The following DGKI variants were observed in gnomAD, a reference collection of about 807,000 sequenced individuals.
The protein encoded by DGKI is DAG kinase iota.
In DGKI, 55 loss-of-function variants were observed where a neutral mutation model predicts 147.5. The observed-to-expected ratio is 0.37, with a 90% confidence interval of 0.30 to 0.47. The LOEUF is 0.47. DGKI is among the 20% of genes least tolerant of loss of function. DGKI has a pLI of 1.00. For missense variants in DGKI, 1,007 were observed against 1,323.8 expected (o/e 0.76, Z 3.71); for synonymous variants, 469 against 477.1 (o/e 0.98, Z 0.22).
At chr7:137,603,255 G>A (rs1440600042) in intron 10 of DGKI, among the ~76,000 whole-genome samples, 2 of 152,172 alleles carry the variant, frequency 1.3e-5, no homozygotes, top group Non-Finnish European at 2.9e-5. Flanking sequence ...AAGCAATCAA[G>A]AACGGGTCGG....
chr7:137,484,163 A>G (rs1815470513), intron 23 of DGKI, among the ~76,000 whole-genome samples: 1 of 152,036 alleles, frequency 6.6e-6, no homozygotes, highest in African/African-American at 2.4e-5. Context: ...TACACAAATA[A>G]GAACACAAAG....
At chr7:137,422,679 A>ACTG (rs1345121664) in intron 28 of DGKI, among the ~76,000 whole-genome samples, 2 of 125,530 alleles carry the variant, frequency 1.6e-5, no homozygotes, top group Non-Finnish European at 3.1e-5. Context: ...ATCTCAGCTC[A>ACTG]CTGCAAGCTC....
intron 10 of DGKI, among the ~76,000 whole-genome samples, chr7:137,605,129 G>A (rs1212074067): frequency 6.6e-6 from 1 of 151,870 alleles, no homozygotes; most frequent in Non-Finnish European, 1.5e-5. Context: ...CCAACATAGT[G>A]AAACCCCGTC....
rs116154836 is a variant in DGKI at position 137,629,014 on chromosome 7, A to G, written c.805-5460T>C. Among the ~76,000 whole-genome samples the G allele has an allele frequency of 2.4e-3, 368 of 152,348 alleles. 1 individual carries two copies. Among genetic ancestry groups the G allele is most frequent in the African/African-American group, 8.1e-3 (335 of 41,590 alleles). ...TCCCTATTTGATCTGATTTGATCCA[A>G]CACAAGAGTTGATATTCCTCCTACC... is the stretch of plus-strand genomic sequence containing the variant. On this transcript the variant is annotated intron_variant, in intron 6 of 32. Transcript: ENST00000614521.
intron 1 of DGKI, among the ~76,000 whole-genome samples, chr7:137,825,070 T>C (rs1322204908): frequency 6.6e-6 from 1 of 152,234 alleles, no homozygotes; most frequent in Non-Finnish European, 1.5e-5. Context: ...TCTGAGTATA[T>C]GCCCAGTAAT....
intron 28 of DGKI, among the ~76,000 whole-genome samples, chr7:137,429,399 A>C (rs991584980): frequency 5.9e-5 from 9 of 152,144 alleles, no homozygotes; most frequent in Admixed American, 2.6e-4. Flanking sequence ...TACAAAAATT[A>C]ATTCAAGATG....
At chr7:137,545,333 C>T (rs998479497) in intron 20 of DGKI, among the ~76,000 whole-genome samples, 10 of 152,138 alleles carry the variant, frequency 6.6e-5, no homozygotes, top group Non-Finnish European at 1.0e-4. Flanking sequence ...TGCTAAAAAA[C>T]ATATTTTTTT....
At chr7:137,550,374 C>T (rs1250820105) in intron 20 of DGKI, among the ~76,000 whole-genome samples, 3 of 151,982 alleles carry the variant, frequency 2.0e-5, no homozygotes, top group Non-Finnish European at 4.4e-5. Flanking sequence ...AGGGGTTTTG[C>T]CGTGTTGACC....
chr7:137,540,716 T>C (rs1197522155), intron 20 of DGKI, among the ~76,000 whole-genome samples: 5 of 84,714 alleles, frequency 5.9e-5, no homozygotes, highest in Middle Eastern at 0.012. Context: ...AGTATTTCTA[T>C]ATACTAACAA....
intron 13 of DGKI, among the ~76,000 whole-genome samples, chr7:137,586,633 T>A (rs906241486): frequency 6.6e-6 from 1 of 151,920 alleles, no homozygotes; most frequent in Non-Finnish European, 1.5e-5. Context: ...TAAGTACCTA[T>A]ACAGCCAAAG....
chr7:137,775,803 T>C (rs927305067), intron 1 of DGKI, among the ~76,000 whole-genome samples: 21 of 152,344 alleles, frequency 1.4e-4, no homozygotes, highest in Admixed American at 4.6e-4. Flanking sequence ...TATCATTAGA[T>C]ACAATAAAGT....
intron 15 of DGKI, 141 bp from the exon 16 acceptor site, chr7:137,578,466 G>A: frequency 1.5e-6 from 1 of 651,740 alleles, no homozygotes; most frequent in Non-Finnish European, 2.8e-6. Flanking sequence ...CTTTCCCCCA[G>A]TTCCAGGCCA....
At chr7:137,707,840 C>T (rs1432044098) in intron 1 of DGKI, among the ~76,000 whole-genome samples, 3 of 152,204 alleles carry the variant, frequency 2.0e-5, no homozygotes, top group Non-Finnish European at 4.4e-5. Context: ...TACAACCATC[C>T]TGACCAAGAT....
chr7:137,392,182 AGAC>A (rs1811390602), intron 32 of DGKI, among the ~76,000 whole-genome samples: 1 of 152,186 alleles, frequency 6.6e-6, no homozygotes, highest in Non-Finnish European at 1.5e-5. Flanking sequence ...AATTTCTTAC[AGAC>A]TACTATAATG....
At chr7:137,586,065 T>A (rs1233637426) in intron 13 of DGKI, among the ~76,000 whole-genome samples, 4 of 152,182 alleles carry the variant, frequency 2.6e-5, no homozygotes, top group African/African-American at 9.7e-5. Flanking sequence ...TCAACTAGCA[T>A]CTACTAAATA....
chr7:137,727,101 C>A (rs946251940), intron 1 of DGKI, among the ~76,000 whole-genome samples: 7 of 152,000 alleles, frequency 4.6e-5, no homozygotes, highest in African/African-American at 1.7e-4. Context: ...CTCCCAAAGC[C>A]ACTTCCTAAT....
chr7:137,602,550 GTATC>G (rs1278625432), intron 10 of DGKI, among the ~76,000 whole-genome samples: 3 of 152,126 alleles, frequency 2.0e-5, no homozygotes, highest in Non-Finnish European at 2.9e-5. Context: ...AAAAATGTAA[GTATC>G]TAAAAGAAAG....
intron 21 of DGKI, among the ~76,000 whole-genome samples, chr7:137,496,252 G>A (rs890283114): frequency 1.3e-5 from 2 of 151,994 alleles, no homozygotes; most frequent in African/African-American, 2.4e-5. Context: ...CAGCTAACCA[G>A]GGAGATGAAA....
At chr7:137,630,809 T>A (rs1244050004) in intron 6 of DGKI, among the ~76,000 whole-genome samples, 1 of 152,212 alleles carries the variant, frequency 6.6e-6, no homozygotes, top group African/African-American at 2.4e-5. Flanking sequence ...TGGGTTTATA[T>A]CTTTGTCCTA....
Sources: gnomAD v4.1 joint callset for allele counts (sites outside exome capture counted in the v4.1 genomes callset) on GRCh38, gnomAD v4.1.1 for gene constraint, MANE v1.5 for transcripts, NCBI Gene and HGNC (gene_info 2026-07-23, HGNC 2026-07-21) for gene names.